The following AQR variants were observed in gnomAD, a reference collection of about 807,000 sequenced individuals.
The protein encoded by AQR is RNA helicase aquarius.
A neutral mutation model predicts 180.5 loss-of-function variants in AQR; 61 were observed. The observed-to-expected ratio is 0.34, with a 90% CI of 0.28 to 0.42. The LOEUF (loss-of-function observed/expected upper bound fraction) is 0.42, where lower values mean the gene tolerates loss of function less well. Among genes scored for constraint, AQR ranks in the 10% least tolerant of loss-of-function variants. AQR has a pLI of 1.00. For missense variants in AQR, 1,281 were observed against 1,798.3 expected (o/e 0.71, Z 5.20); for synonymous variants, 551 against 588.8 (o/e 0.94, Z 0.93).
At chr15:34,932,555 T>C (rs539726598) in intron 10 of AQR, 121 bp from the exon 11 acceptor site, 19 of 675,396 alleles carry the variant, frequency 2.8e-5, no homozygotes, top group Middle Eastern at 2.5e-4. Context: ...AACCTTCCAA[T>C]AGACACACTG....
At chr15:34,933,459 C>CAT (rs1012781283) in intron 10 of AQR, among the ~76,000 whole-genome samples, 7 of 148,722 alleles carry the variant, frequency 4.7e-5, no homozygotes, top group Non-Finnish European at 8.9e-5. Flanking sequence ...AGTATGAAAT[C>CAT]TTTTTTTTTT....
chr15:34,888,825 A>T (rs1893099458), intron 24 of AQR, among the ~76,000 whole-genome samples: 1 of 152,250 alleles, frequency 6.6e-6, no homozygotes, highest in Non-Finnish European at 1.5e-5. Context: ...CAGATTTTAC[A>T]ATTTTTTTCT....
chr15:34,949,585 G>A (rs1469074898), intron 4 of AQR, among the ~76,000 whole-genome samples: 2 of 137,868 alleles, frequency 1.5e-5, no homozygotes, highest in African/African-American at 5.7e-5. Context: ...CTCCAGCCTG[G>A]CAACAGTGAG....
intron 4 of AQR, among the ~76,000 whole-genome samples, chr15:34,949,756 A>C (rs982048899): frequency 2.7e-5 from 4 of 149,844 alleles, no homozygotes; most frequent in African/African-American, 7.4e-5. Flanking sequence ...CAGGAGTTTG[A>C]GACCAGCCTG....
intron 14 of AQR, 109 bp from the exon 15 acceptor site, chr15:34,918,487 A>G (rs1893631010): frequency 1.5e-6 from 2 of 1,324,740 alleles, no homozygotes; most frequent in South Asian, 1.5e-5. Flanking sequence ...CAGTTCAACA[A>G]GCGATTTTTT....
At chr15:34,940,669 A>G (rs1894009942) in intron 8 of AQR, among the ~76,000 whole-genome samples, 1 of 152,220 alleles carries the variant, frequency 6.6e-6, no homozygotes. Context: ...GGTCAACTAT[A>G]TATACTTAGC....
intron 3 of AQR, among the ~76,000 whole-genome samples, chr15:34,959,966 C>A (rs962920878): frequency 6.6e-6 from 1 of 152,158 alleles, no homozygotes; most frequent in South Asian, 2.1e-4. Context: ...CATGGTGAAA[C>A]CCTGTCTCAA....
intron 1 of AQR, among the ~76,000 whole-genome samples, 165 bp downstream of exon 1, chr15:34,969,374 T>C (rs765799711): frequency 1.3e-5 from 2 of 152,144 alleles, no homozygotes; most frequent in African/African-American, 4.8e-5. Context: ...GCACCTAGCA[T>C]AGTGGCCGGC....
intron 33 of AQR, among the ~76,000 whole-genome samples, chr15:34,862,535 G>A (rs1892683521): frequency 6.6e-6 from 1 of 152,192 alleles, no homozygotes; most frequent in Admixed American, 6.5e-5. Flanking sequence ...GCCACTAAAT[G>A]TTGGCTGACA....
In AQR at chr15:34,856,862, C is replaced by A. The variant is rs779048059; in HGVS notation, c.4388G>T (p.Gly1463Val). The A allele has an allele frequency of 1.2e-6, 2 of 1,612,246 alleles. No homozygotes were observed. Among genetic ancestry groups the A allele is most frequent in the Non-Finnish European group, 1.7e-6 (2 of 1,179,074 alleles). ...AGCTTCTGCCGGTGCAGATACAGCT[C>A]CTACCACAGTAGGGGTGGTCTCAGA... Reference protein sequence around the residue: ...ALSETTPTVVGAVSAPAEANT... With the variant: ...ALSETTPTVVVAVSAPAEANT... The change falls in exon 35 of 35, where the codon GGA (glycine) becomes GTA (valine). Residue 1463 changes from glycine to valine, a missense_variant. Around this residue, in one of 9 missense-constraint regions of AQR, gnomAD observed 182 missense variants for 185.3 expected, o/e 0.98. Transcript: ENST00000156471.
chr15:34,859,326 G>A (rs1445918543), intron 34 of AQR, among the ~76,000 whole-genome samples: 1 of 152,120 alleles, frequency 6.6e-6, no homozygotes, highest in African/African-American at 2.4e-5. Context: ...TTAGGGAAAT[G>A]AAAACCAAAA....
chr15:34,915,092 G>T lies in AQR; in HGVS notation c.1430C>A (p.Ser477Ter). ...LRNFNLFRLESTYEIRQDIED... is the reference protein window; with the variant it reads ...LRNFNLFRLE ...AATGTCCTGACGAATTTCATAAGTT[G>T]ATTCTAAGCGGAAGAGGTTAAAGTT... Residue 477 changes from serine to a stop codon, truncating the protein, a stop_gained, in exon 16 of 35, where the codon TCA (serine) becomes TAA (stop). Coordinates refer to ENST00000156471, the MANE Select transcript of AQR (RefSeq NM_014691.3). LOFTEE classifies it high-confidence loss of function. 1 of 1,612,844 alleles carries T rather than the reference G, an allele frequency of 6.2e-7. No individual in the cohort carries two copies. Among genetic ancestry groups the T allele is most frequent in the Non-Finnish European group, 8.5e-7 (1 of 1,179,730 alleles).
At chr15:34,956,573 A>G (rs1894319852) in intron 3 of AQR, among the ~76,000 whole-genome samples, 1 of 151,972 alleles carries the variant, frequency 6.6e-6, no homozygotes, top group Non-Finnish European at 1.5e-5. Flanking sequence ...AATCGCTGGA[A>G]CCCAGGAGGC....
At chr15:34,947,831 G>C (rs1419123492) in intron 5 of AQR, among the ~76,000 whole-genome samples, 2 of 152,010 alleles carry the variant, frequency 1.3e-5, no homozygotes, top group African/African-American at 4.8e-5. Flanking sequence ...AAAGAAACAA[G>C]TTTTTGCTTT....
chr15:34,885,252 A>G (rs192592618), intron 25 of AQR, among the ~76,000 whole-genome samples: 2 of 152,318 alleles, frequency 1.3e-5, no homozygotes, highest in Admixed American at 1.3e-4. Context: ...TTGAAAGCTT[A>G]TCTTATGACT....
chr15:34,863,263 G>A (rs2140458210), intron 32 of AQR: 1 of 437,796 alleles, frequency 2.3e-6, no homozygotes, highest in South Asian at 4.3e-5. Context: ...TTGAAGGGGA[G>A]GATCACAAAA....
chr15:34,918,492 T>A, intron 14 of AQR, 114 bp from the exon 15 acceptor site: 1 of 1,170,584 alleles, frequency 8.5e-7, no homozygotes, highest in Non-Finnish European at 1.2e-6. Flanking sequence ...CAACAAGCGA[T>A]TTTTTTTTCT....
At position 34,910,133 on chromosome 15, in the gene AQR, A is replaced by G. The variant is rs1442055131; in HGVS notation, c.1663+2T>C. On this transcript the variant is annotated splice_donor_variant, in intron 17 of 34. Coordinates refer to ENST00000156471, the MANE Select transcript of AQR (RefSeq NM_014691.3). LOFTEE classifies it high-confidence loss of function. The stretch of plus-strand genomic sequence containing the variant: ...ATGTCACTTTTTGAAATACAAACTT[A>G]CCTTCCCATTCATCTTTGATGTGAT... The G allele has an allele frequency of 6.2e-7, 1 of 1,614,026 alleles. No homozygotes were observed. The highest frequency in any genetic ancestry group is 1.6e-4 in the Middle Eastern group (1 of 6,062).
intron 24 of AQR, among the ~76,000 whole-genome samples, chr15:34,886,871 C>T: frequency 6.6e-6 from 1 of 151,606 alleles, no homozygotes; most frequent in East Asian, 1.9e-4. Context: ...CGCCTGTAAT[C>T]CCAACACTTC....
Sources: allele counts gnomAD v4.1 joint callset (sites outside exome capture counted in the v4.1 genomes callset), GRCh38; gene constraint gnomAD v4.1.1; regional missense constraint gnomAD v4.1.1; transcripts MANE v1.5; gene names NCBI Gene and HGNC (gene_info 2026-07-23, HGNC 2026-07-21).